The following ANKS1B variants were observed in gnomAD, a reference collection of about 807,000 sequenced individuals.
ANKS1B encodes the protein ankyrin repeat and sterile alpha motif domain-containing protein 1B.
ANKS1B carries 36 observed loss-of-function variants against 148.3 expected under a neutral mutation model. The observed-to-expected ratio is 0.24, with a 90% CI of 0.19 to 0.32. ANKS1B has a LOEUF of 0.32. Among genes scored for constraint, ANKS1B ranks in the 10% least tolerant of loss-of-function variants. The pLI is 1.00. For synonymous variants in ANKS1B, 542 were observed against 560.8 expected (o/e 0.97, Z 0.47); for missense variants, 1,157 against 1,542.6 (o/e 0.75, Z 4.19).
intron 15 of ANKS1B, among the ~76,000 whole-genome samples, chr12:99,152,157 T>G (rs77624188): frequency 0.069 from 10,542 of 152,212 alleles, 1,008 homozygotes; most frequent in African/African-American, 0.22. Flanking sequence ...TAAATAATTT[T>G]TATAAAGGTA....
chr12:99,677,513 T>C (rs1402346039), intron 8 of ANKS1B, among the ~76,000 whole-genome samples: 1 of 152,182 alleles, frequency 6.6e-6, no homozygotes, highest in Non-Finnish European at 1.5e-5. Context: ...ATCTTGTAAT[T>C]AGATTCTCTT....
At chr12:99,431,169 G>T (rs758876920) in intron 11 of ANKS1B, among the ~76,000 whole-genome samples, 4 of 152,162 alleles carry the variant, frequency 2.6e-5, no homozygotes, top group Non-Finnish European at 5.9e-5. Context: ...TAGGCATTTA[G>T]CACCATTGAT....
chr12:99,313,245 A>G (rs1009139210), intron 12 of ANKS1B, among the ~76,000 whole-genome samples: 3 of 152,174 alleles, frequency 2.0e-5, no homozygotes, highest in African/African-American at 7.2e-5. Flanking sequence ...TGAATAGACC[A>G]ATAACAGTTT....
chr12:98,759,097 G>A (rs976932200), intron 25 of ANKS1B, among the ~76,000 whole-genome samples: 2 of 151,910 alleles, frequency 1.3e-5, no homozygotes, highest in African/African-American at 4.8e-5. Context: ...TTTGATCTGC[G>A]AATTAAGAAC....
chr12:98,891,741 C>T lies in ANKS1B; in HGVS notation c.2779-59605G>A, dbSNP rs531271351. Reference sequence around the variant, plus strand: ...ATGTTTCACTCAATGCATATTCACTCAAATATGCATACTTTTTTTCAGTTT... The same window carrying T: ...ATGTTTCACTCAATGCATATTCACTTAAATATGCATACTTTTTTTCAGTTT... On this transcript the variant is annotated intron_variant, in intron 17 of 26. Coordinates refer to ENST00000683438, the MANE Select transcript of ANKS1B (RefSeq NM_001352186.2). 6.0e-5 allele frequency among the ~76,000 whole-genome samples: 9 copies of T among 150,498 alleles called. No homozygotes were observed. The East Asian group carries it at 1.7e-3, about 29-fold the overall frequency.
At chr12:99,715,803 T>C (rs980506464) in intron 8 of ANKS1B, among the ~76,000 whole-genome samples, 15 of 152,130 alleles carry the variant, frequency 9.9e-5, no homozygotes, top group African/African-American at 3.6e-4. Flanking sequence ...TCAACCACTT[T>C]CTCTTTTCAA....
intron 15 of ANKS1B, among the ~76,000 whole-genome samples, chr12:99,118,373 T>G (rs2061913179): frequency 6.6e-6 from 1 of 152,222 alleles, no homozygotes; most frequent in African/African-American, 2.4e-5. Context: ...TTCTGTACAT[T>G]GGCATATCTC....
rs1320918392 is a variant in ANKS1B, at chr12:99,779,902, C to G, written c.816G>C (p.Gln272His). ...VLDILKEHPS[Q>H]KSLQIATLLQ... ...AGAGTGTTGCAATCTGGAGAGATTT[C>G]TGAGATGGATGTTCTTTCAGAATGT... Residue 272 changes from glutamine to histidine, a missense_variant, in exon 6 of 27, where the codon CAG becomes CAC. Coordinates refer to ENST00000683438, the MANE Select transcript of ANKS1B (RefSeq NM_001352186.2). 1 of 1,612,798 alleles carries G rather than the reference C, an allele frequency of 6.2e-7. No homozygotes were observed. The highest frequency in any genetic ancestry group is 1.7e-5 in the Admixed American group (1 of 59,822).
At chr12:99,870,552 T>C (rs1458703749) in intron 1 of ANKS1B, among the ~76,000 whole-genome samples, 6 of 152,202 alleles carry the variant, frequency 3.9e-5, no homozygotes, top group Non-Finnish European at 8.8e-5. Context: ...ACCAACAGTA[T>C]GTAAGTGTTC....
intron 8 of ANKS1B, among the ~76,000 whole-genome samples, chr12:99,701,050 A>T (rs2054730620): frequency 1.3e-5 from 2 of 152,216 alleles, no homozygotes; most frequent in Admixed American, 6.5e-5. Flanking sequence ...AAGTCCCAAG[A>T]AACAACACAT....
At chr12:99,477,697 T>A (rs531583918) in intron 10 of ANKS1B, among the ~76,000 whole-genome samples, 56 of 152,310 alleles carry the variant, frequency 3.7e-4, no homozygotes, top group African/African-American at 1.2e-3. Context: ...TCATAGATAT[T>A]AAAATATATG....
chr12:99,075,566 A>G (rs888504432), intron 16 of ANKS1B, among the ~76,000 whole-genome samples: 13 of 152,176 alleles, frequency 8.5e-5, no homozygotes, highest in African/African-American at 3.1e-4. Context: ...CAACATTTAT[A>G]TAGCCCAAAT....
intron 10 of ANKS1B, among the ~76,000 whole-genome samples, chr12:99,454,072 C>G (rs571602945): frequency 1.6e-4 from 25 of 152,174 alleles, no homozygotes; most frequent in African/African-American, 2.2e-4. Flanking sequence ...GAAGCATGAA[C>G]GAGCATTATG....
At chr12:99,259,557 C>T (rs558066878) in intron 12 of ANKS1B, among the ~76,000 whole-genome samples, 1 of 152,330 alleles carries the variant, frequency 6.6e-6, no homozygotes, top group South Asian at 2.1e-4. Flanking sequence ...GTTCCCTTTG[C>T]TCAATACAGG....
chr12:99,411,452 A>G (rs1182888367), intron 11 of ANKS1B, among the ~76,000 whole-genome samples: 1 of 152,202 alleles, frequency 6.6e-6, no homozygotes, highest in African/African-American at 2.4e-5. Context: ...CCAATCCACT[A>G]CTGATGGGCA....
intron 17 of ANKS1B, among the ~76,000 whole-genome samples, chr12:98,864,874 CT>C (rs2099616718): frequency 6.6e-6 from 1 of 152,206 alleles, no homozygotes; most frequent in Admixed American, 6.5e-5. Context: ...CTCAGTTTCT[CT>C]GTTACATCCC....
At chr12:99,698,396 C>T (rs898967497) in intron 8 of ANKS1B, among the ~76,000 whole-genome samples, 24 of 151,634 alleles carry the variant, frequency 1.6e-4, no homozygotes, top group African/African-American at 4.8e-4. Flanking sequence ...TGTGTGTGTC[C>T]GTGTGTGCAT....
intron 15 of ANKS1B, among the ~76,000 whole-genome samples, chr12:99,141,857 T>C (rs1024777686): frequency 3.9e-5 from 6 of 152,140 alleles, no homozygotes; most frequent in Non-Finnish European, 8.8e-5. Context: ...GATTCTCATT[T>C]GATCTCTCAT....
intron 7 of ANKS1B, among the ~76,000 whole-genome samples, chr12:99,774,716 AC>A (rs1427190994): frequency 6.6e-6 from 1 of 152,156 alleles, no homozygotes; most frequent in African/African-American, 2.4e-5. Flanking sequence ...AACAGCCAAG[AC>A]ATGAAAACAA....
Sources: gnomAD v4.1 joint callset for allele counts (sites outside exome capture counted in the v4.1 genomes callset) on GRCh38, gnomAD v4.1.1 for gene constraint, MANE v1.5 for transcripts, NCBI Gene and HGNC (gene_info 2026-07-23, HGNC 2026-07-21) for gene names.